Variants in COL4A4 observed in about 807,000 individuals in gnomAD.
The protein encoded by COL4A4 is collagen type IV alpha 4 chain.
In COL4A4, 105 loss-of-function variants were observed where a neutral mutation model predicts 192.9. The observed-to-expected ratio is 0.54, with a 90% CI of 0.46 to 0.64. The LOEUF (loss-of-function observed/expected upper bound fraction) is 0.64, where lower values mean the gene tolerates loss of function less well. COL4A4 is among the 30% of genes least tolerant of loss of function. The probability of loss-of-function intolerance (pLI) is 0.00; values close to 1 mark genes in which losing one functional copy is unlikely to be tolerated. For synonymous variants in COL4A4, 762 were observed against 769.9 expected (o/e 0.99, Z 0.17); for missense variants, 1,967 against 2,169.3 (o/e 0.91, Z 1.85).
In COL4A4 at chr2:227,008,368, C is replaced by A. The variant is rs553504198; in HGVS notation, c.4523-64G>T. The A allele has an allele frequency of 4.1e-4, 642 of 1,559,886 alleles. 3 individuals are homozygous for A. In the South Asian group the frequency reaches 6.8e-3, roughly 16 times the overall value. On this transcript the variant is annotated intron_variant, in intron 46 of 47. Transcript: ENST00000396625. ...CCCATGTAGGTGTTCCCAGACCCTT[C>A]CTTCCTCCATCTGGCCTTTGCAGAT...
At position 227,094,141 on chromosome 2, in the gene COL4A4, G is replaced by A. The variant is rs199511948; in HGVS notation, c.1353C>T (p.Gly451=). The A allele has an allele frequency of 3.9e-4, 626 of 1,613,658 alleles. 1 individual carries two copies. Among genetic ancestry groups the A allele is most frequent in the East Asian group, 3.2e-3 (142 of 44,888 alleles). Residue 451 remains glycine, a synonymous_variant, in exon 20 of 48, where the codon GGC becomes GGT. Transcript: ENST00000396625. The part of the protein sequence containing the change: ...PGLPGAPGLQ[G]LPGSSVIYCS... ...GTACTTTACCACTTGATCCTGGGAGGCCCTGCAGGCCTGGTGCTCCAGGCA... is the reference window on the plus strand; with the variant it reads ...GTACTTTACCACTTGATCCTGGGAGACCCTGCAGGCCTGGTGCTCCAGGCA...
intron 14 of COL4A4, 41 bp from the exon 15 acceptor site, chr2:227,102,889 T>C (rs1559628548): frequency 9.5e-6 from 2 of 209,642 alleles, no homozygotes; most frequent in South Asian, 1.1e-4. Context: ...CAAGCAACAA[T>C]ATTTCAGCAA....
chr2:226,993,172 C>T, the COL4A4 span, among the ~76,000 whole-genome samples: 2 of 152,322 alleles, frequency 1.3e-5, no homozygotes, highest in South Asian at 4.1e-4. Context: ...CAGGCAGTTC[C>T]CTTCATGGAA....
At chr2:226,975,020 A>G in the COL4A4 span, among the ~76,000 whole-genome samples, 89 of 152,166 alleles carry the variant, frequency 5.8e-4, no homozygotes, top group African/African-American at 2.1e-3. Context: ...TGGTACGTGG[A>G]GAGAACTGGG....
In COL4A4 at chr2:227,057,450, G is replaced by A. The variant is rs1403694164; in HGVS notation, c.2534C>T (p.Pro845Leu). ...IPGQPGLPGY[P>L]GSPGAPGGKG... is the part of the protein sequence containing the mutation. ...TTCTTGACACTTACCTGGGCTACCT[G>A]GATACCCAGGGAGTCCCGGTTGCCC... Residue 845 changes from proline (P) to leucine (L), a missense_variant, in exon 29 of 48, where the codon CCA becomes CTA. By Grantham distance (98) the Pro-to-Leu change is moderately conservative. Coordinates refer to ENST00000396625, the MANE Select transcript of COL4A4 (RefSeq NM_000092.5). 1 of 1,606,726 alleles carries A rather than the reference G, an allele frequency of 6.2e-7. No individual in the cohort carries two copies. The highest frequency in any genetic ancestry group is 1.7e-4 in the Middle Eastern group (1 of 6,010).
chr2:226,973,548 T>G, the COL4A4 span, among the ~76,000 whole-genome samples: 2 of 152,222 alleles, frequency 1.3e-5, no homozygotes, highest in African/African-American at 4.8e-5. Context: ...GTTCATAAAA[T>G]GATTCCTAGA....
chr2:227,053,030 C>G (rs1004112719), intron 31 of COL4A4, among the ~76,000 whole-genome samples: 9 of 151,658 alleles, frequency 5.9e-5, no homozygotes, highest in African/African-American at 1.9e-4. Context: ...TTTAAATCAG[C>G]CGTGGCAGGA....
Position 227,060,176 on chromosome 2 carries a change from T to A in COL4A4, c.2124A>T (p.Arg708Ser), listed in dbSNP as rs2150287552. The stretch of plus-strand genomic sequence containing the variant: ...TTTCCGCTGTTCCTGGTGTGCCAGG[T>A]CTGCCTTTATGCCCATCTGAACCAC... Reference protein sequence around the residue: ...GLSGSDGHKGRPGTPGTAEIP... With the variant: ...GLSGSDGHKGSPGTPGTAEIP... Residue 708 changes from arginine (R) to serine (S), a missense_variant, in exon 27 of 48, where the codon AGA becomes AGT. Physicochemically the swap from Arg to Ser is moderately radical, Grantham distance 110. Transcript: ENST00000396625. 6.3e-7 allele frequency: 1 copy of A among 1,595,228 alleles called. No homozygotes were observed. The highest frequency in any genetic ancestry group is 1.1e-5 in the South Asian group (1 of 89,754).
downstream of COL4A4, among the ~76,000 whole-genome samples, chr2:227,001,789 C>A (rs902839679): frequency 6.6e-6 from 1 of 151,256 alleles, no homozygotes. Flanking sequence ...ACATAGTAGA[C>A]GGTCAGGGAA....
downstream of COL4A4, chr2:226,999,091 T>TAA (rs1960287911): frequency 6.6e-6 from 1 of 152,282 alleles, no homozygotes; most frequent in African/African-American, 2.4e-5. Flanking sequence ...TCTTTGTCTT[T>TAA]AAATTGTAAG....
chr2:226,976,691 G>A, the COL4A4 span, among the ~76,000 whole-genome samples: 10 of 152,154 alleles, frequency 6.6e-5, no homozygotes, highest in Admixed American at 4.6e-4. Flanking sequence ...AGAGAAGGGA[G>A]GGTTAGGAGT....
intron 46 of COL4A4, among the ~76,000 whole-genome samples, chr2:227,009,974 C>T (rs1003628975): frequency 6.6e-5 from 10 of 152,126 alleles, no homozygotes; most frequent in African/African-American, 2.2e-4. Context: ...GGTTAATTTA[C>T]ATTTGGAAGC....
intron 4 of COL4A4, among the ~76,000 whole-genome samples, chr2:227,138,290 T>C (rs1398424373): frequency 6.6e-6 from 1 of 150,534 alleles, no homozygotes; most frequent in African/African-American, 2.4e-5. Context: ...TGCACTCCAG[T>C]CTGGGTGACA....
intron 4 of COL4A4, among the ~76,000 whole-genome samples, chr2:227,136,264 G>C (rs2062807632): frequency 6.6e-6 from 1 of 152,144 alleles, no homozygotes; most frequent in Admixed American, 6.6e-5. Flanking sequence ...CTTGCTAGGG[G>C]GCTCTGGCAG....
At chr2:227,064,243 T>C (rs2058155558) in intron 25 of COL4A4, among the ~76,000 whole-genome samples, 1 of 152,134 alleles carries the variant, frequency 6.6e-6, no homozygotes, top group African/African-American at 2.4e-5. Context: ...CTTTGACAAA[T>C]GAAAAACATA....
Position 227,099,399 on chromosome 2 carries a change from A to G in COL4A4, c.1099+221T>C, listed in dbSNP as rs114432892. 0.014 allele frequency among the ~76,000 whole-genome samples: 2,090 copies of G among 152,298 alleles called. 38 individuals are homozygous for G. The highest frequency in any genetic ancestry group is 0.046 in the African/African-American group (1,914 of 41,542). The stretch of plus-strand genomic sequence containing the variant: ...TAGTTTCATACAATTTTTAGCGATT[A>G]AAAATAGACTTTCTGAAAGATAACA... On this transcript the variant is annotated intron_variant, in intron 18 of 47. Transcript: ENST00000396625.
At chr2:226,974,862 T>G in the COL4A4 span, among the ~76,000 whole-genome samples, 2 of 152,194 alleles carry the variant, frequency 1.3e-5, no homozygotes, top group African/African-American at 4.8e-5. Flanking sequence ...ACCTCGCCAG[T>G]GCGTGGCTCA....
intron 12 of COL4A4, among the ~76,000 whole-genome samples, chr2:227,104,569 G>A (rs573326886): frequency 1.1e-3 from 137 of 130,042 alleles, no homozygotes; most frequent in African/African-American, 3.7e-3. Flanking sequence ...GCGACAGAGC[G>A]AGACTCCATC....
chr2:227,107,233 T>C (rs993391221), intron 12 of COL4A4, among the ~76,000 whole-genome samples: 2 of 152,150 alleles, frequency 1.3e-5, no homozygotes, highest in African/African-American at 4.8e-5. Flanking sequence ...CATTTGGCAA[T>C]GTTTTGATAC....
Sources: gnomAD v4.1 joint callset for allele counts (sites outside exome capture counted in the v4.1 genomes callset) on GRCh38, gnomAD v4.1.1 for gene constraint, MANE v1.5 for transcripts, NCBI Gene and HGNC (gene_info 2026-07-23, HGNC 2026-07-21) for gene names.